HMGN3: variants seen among roughly 807,000 people sequenced by gnomAD.
The protein encoded by HMGN3 is high mobility group nucleosomal binding domain 3.
Under a neutral mutation model 18.8 loss-of-function variants are expected in HMGN3, and 6 were observed. The observed-to-expected ratio is 0.32, with a 90% confidence interval of 0.18 to 0.63. The LOEUF is 0.63. Ranked by LOEUF, HMGN3 falls within the 30% of genes least tolerant of loss-of-function variation. The probability of loss-of-function intolerance (pLI) is 0.79; values close to 1 mark genes in which losing one functional copy is unlikely to be tolerated. For missense variants in HMGN3, 107 were observed against 114.2 expected (o/e 0.94, Z 0.29); for synonymous variants, 40 against 36.5 (o/e 1.10, Z -0.35).
At chr6:79,219,892 T>G (rs1777181867) in intron 1 of HMGN3, among the ~76,000 whole-genome samples, 1 of 152,204 alleles carries the variant, frequency 6.6e-6, no homozygotes, top group South Asian at 2.1e-4. Context: ...TTCATAAAAC[T>G]TACAGTAGTT....
chr6:79,216,374 C>A (rs1776984848), intron 1 of HMGN3, among the ~76,000 whole-genome samples: 1 of 151,986 alleles, frequency 6.6e-6, no homozygotes, highest in Admixed American at 6.6e-5. Flanking sequence ...CATGAAAAGT[C>A]CACATAAAAT....
At chr6:79,221,262 G>A (rs1043743605) in intron 1 of HMGN3, among the ~76,000 whole-genome samples, 4 of 152,080 alleles carry the variant, frequency 2.6e-5, no homozygotes, top group Non-Finnish European at 5.9e-5. Context: ...TGCTTCATTT[G>A]TACTGATAAT....
At position 79,202,171 on chromosome 6, in the gene HMGN3, A is replaced by G. The variant is rs956084610; in HGVS notation, c.261+105T>C. 7.5e-6 allele frequency: 12 copies of G among 1,600,222 alleles called. No individual in the cohort carries two copies. Among genetic ancestry groups the G allele is most frequent in the Admixed American group, 1.7e-5 (1 of 59,094 alleles). The stretch of plus-strand genomic sequence containing the variant: ...AGATGTGGATCTGCAATAACATTAC[A>G]GGCAATAAAAAGAGACATTAAGAAC... On this transcript the variant is annotated intron_variant, in intron 5 of 5. Coordinates refer to ENST00000344726, the Ensembl canonical transcript of HMGN3.
intron 2 of HMGN3, among the ~76,000 whole-genome samples, chr6:79,211,465 G>T (rs201493053): frequency 3.0e-5 from 4 of 135,358 alleles, no homozygotes; most frequent in African/African-American, 2.7e-5. Context: ...AATTTCTCTT[G>T]TTTTTTTTTT....
At chr6:79,228,226 GAAAAATCCTT>G in intron 1 of HMGN3, among the ~76,000 whole-genome samples, 1 of 151,972 alleles carries the variant, frequency 6.6e-6, no homozygotes, top group East Asian at 1.9e-4. Flanking sequence ...CCATCAGACA[GAAAAATCCTT>G]AAAAACAAGG....
intron 3 of HMGN3, among the ~76,000 whole-genome samples, chr6:79,207,133 C>T (rs1476027606): frequency 6.6e-6 from 1 of 152,100 alleles, no homozygotes; most frequent in Non-Finnish European, 1.5e-5. Flanking sequence ...AGACTTTGGA[C>T]TTTTGAGTTA....
intron 3 of HMGN3, 54 bp downstream of exon 3, chr6:79,208,493 A>G: frequency 1.4e-6 from 2 of 1,413,618 alleles, no homozygotes; most frequent in Middle Eastern, 1.8e-4. Context: ...CACTTTGGAC[A>G]AAGGGAACAT....
chr6:79,229,245 A>G (rs972714724), intron 1 of HMGN3, among the ~76,000 whole-genome samples: 1 of 152,234 alleles, frequency 6.6e-6, no homozygotes, highest in Admixed American at 6.5e-5. Flanking sequence ...AGACACCATT[A>G]AGAAAAAAAT....
intron 2 of HMGN3, among the ~76,000 whole-genome samples, chr6:79,214,232 C>G (rs1352053633): frequency 6.8e-6 from 1 of 148,054 alleles, no homozygotes. Context: ...GAGTCTCTCT[C>G]GCTCTGTCAC....
At position 79,203,394 on chromosome 6, in the gene HMGN3, C is replaced by T. The variant is rs138846726; in HGVS notation, c.147+186G>A. Reference sequence around the variant, plus strand: ...TCTCTGACTTCCCGTGCCTCACTGACCAAATGGAAAACACACTCCTATTAA... The same window carrying T: ...TCTCTGACTTCCCGTGCCTCACTGATCAAATGGAAAACACACTCCTATTAA... On this transcript the variant is annotated intron_variant, in intron 4 of 5. Coordinates refer to ENST00000344726, the Ensembl canonical transcript of HMGN3. Among the ~76,000 whole-genome samples, 8 of 152,256 alleles carry T rather than the reference C, an allele frequency of 5.3e-5. No individual in the cohort carries two copies. In the East Asian group the frequency reaches 9.7e-4, roughly 18 times the overall value.
rs777735513 is a variant in HMGN3, at chr6:79,224,031, T to C, written c.16-9009A>G. Among the ~76,000 whole-genome samples, 34 of 152,150 alleles carry C rather than the reference T, an allele frequency of 2.2e-4. 1 individual carries two copies. The highest frequency in any genetic ancestry group is 4.0e-4 in the Non-Finnish European group (27 of 68,022). ...AAGGAGCACAGCAGAATAATGAAGA[T>C]GTGTACTGCAATTATGTGCAAGGCA... On this transcript the variant is annotated intron_variant, in intron 1 of 5. Transcript: ENST00000344726.
chr6:79,234,629 G>GC (rs1229500441), exon 1 of HMGN3: 1 of 1,501,278 alleles, frequency 6.7e-7, no homozygotes, highest in Non-Finnish European at 9.3e-7. Context: ...GCTGGATGCT[G>GC]CCTCTGCCTC....
At chr6:79,201,594 T>TA in exon 6 of HMGN3, 1 of 893,240 alleles carries the variant, frequency 1.1e-6, no homozygotes, top group Non-Finnish European at 1.8e-6. Flanking sequence ...AGTAGAGTCC[T>TA]AAAAAATTAG....
intron 2 of HMGN3, 72 bp downstream of exon 2, chr6:79,214,900 T>C: frequency 1.2e-6 from 1 of 866,590 alleles, no homozygotes; most frequent in South Asian, 1.5e-5. Flanking sequence ...TTCATTCAGA[T>C]GCAGACAATC....
chr6:79,220,239 C>T (rs1347358841), intron 1 of HMGN3, among the ~76,000 whole-genome samples: 1 of 152,002 alleles, frequency 6.6e-6, no homozygotes, highest in Non-Finnish European at 1.5e-5. Flanking sequence ...CTATAAACTT[C>T]CAAATCAGGA....
At position 79,209,300 on chromosome 6, in the gene HMGN3, A is replaced by T. The variant is rs1014477213; in HGVS notation, c.67-724T>A. Among the ~76,000 whole-genome samples, 4 of 152,224 alleles carry T rather than the reference A, an allele frequency of 2.6e-5. No homozygotes were observed. In the East Asian group the frequency reaches 7.7e-4, roughly 29 times the overall value. On this transcript the variant is annotated intron_variant, in intron 2 of 5. Coordinates refer to ENST00000344726, the Ensembl canonical transcript of HMGN3. ...TACAAGTTAACAGCAAATGACCCTG[A>T]AAAGAAAATCTAAATTAACAGAACT... is the stretch of plus-strand genomic sequence containing the variant.
intron 3 of HMGN3, among the ~76,000 whole-genome samples, chr6:79,206,682 G>A (rs182075995): frequency 1.3e-5 from 2 of 152,332 alleles, no homozygotes; most frequent in Admixed American, 6.5e-5. Flanking sequence ...GTCCCTACTG[G>A]GGAACTGCCT....
At chr6:79,215,101 A>G in intron 1 of HMGN3, 79 bp from the exon 2 acceptor site, 2 of 858,584 alleles carry the variant, frequency 2.3e-6, no homozygotes, top group Admixed American at 5.1e-5. Flanking sequence ...AAGTTATCTC[A>G]TTCCCAGGAC....
chr6:79,216,847 G>C (rs1777011997), intron 1 of HMGN3, among the ~76,000 whole-genome samples: 1 of 152,290 alleles, frequency 6.6e-6, no homozygotes, highest in Non-Finnish European at 1.5e-5. Flanking sequence ...TGGTTGTCTA[G>C]GAGTGCTGGG....
Sources: gnomAD v4.1 joint callset for allele counts (sites outside exome capture counted in the v4.1 genomes callset) on GRCh38, gnomAD v4.1.1 for gene constraint, MANE v1.5 for transcripts, NCBI Gene and HGNC (gene_info 2026-07-23, HGNC 2026-07-21) for gene names.